The following CDC73 variants were observed in gnomAD, a reference collection of about 807,000 sequenced individuals.
The protein encoded by CDC73 is cell division cycle 73, also known as parafibromin.
CDC73 carries 21 observed loss-of-function variants against 83.7 expected under a neutral mutation model. The observed-to-expected ratio is 0.25, with a 90% confidence interval of 0.18 to 0.36. CDC73 has a LOEUF of 0.36. CDC73 is among the 10% of genes least tolerant of loss of function. The probability of loss-of-function intolerance (pLI) is 1.00; values close to 1 mark genes in which losing one functional copy is unlikely to be tolerated. For synonymous variants in CDC73, 224 were observed against 212.9 expected, an observed-to-expected ratio of 1.05 and a Z score of -0.45; for missense variants, 342 against 653.3, an observed-to-expected ratio of 0.52 and a Z score of 5.19.
At position 193,251,318 on chromosome 1, in the gene CDC73, AT is replaced by A. The variant is rs1678039843; in HGVS notation, c.*607del. On this transcript the variant is annotated 3_prime_UTR_variant, in exon 17 of 17. Coordinates refer to ENST00000367435, the MANE Select transcript of CDC73 (RefSeq NM_024529.5). ...TTTACAAATGATTACATTTAAATGA[AT>A]GTACATTCTTCTCACTGACTTTGGT... 4.3e-6 allele frequency: 1 copy of A among 231,924 alleles called. No homozygotes were observed. The highest frequency in any genetic ancestry group is 8.5e-6 in the Non-Finnish European group (1 of 116,968). The allele number at this position is 231,924 out of a possible 1,614,324, so 14.4% of individuals were successfully genotyped here. A position where few individuals can be genotyped will look rare whatever the true frequency, so the allele number is the denominator to read the frequency against.
chr1:193,124,767 C>T (rs1380705088), intron 1 of CDC73, among the ~76,000 whole-genome samples: 1 of 152,182 alleles, frequency 6.6e-6, no homozygotes, highest in African/African-American at 2.4e-5. Context: ...TGTGCTTCTT[C>T]TAAGCAGTGT....
At chr1:193,214,697 C>T (rs968663678) in intron 13 of CDC73, among the ~76,000 whole-genome samples, 4 of 152,064 alleles carry the variant, frequency 2.6e-5, no homozygotes, top group Admixed American at 1.3e-4. Flanking sequence ...CCAGCCTGGG[C>T]GACAGAGCGA....
intron 13 of CDC73, among the ~76,000 whole-genome samples, chr1:193,221,801 C>T (rs1677475512): frequency 6.6e-6 from 1 of 152,150 alleles, no homozygotes; most frequent in South Asian, 2.1e-4. Flanking sequence ...AAAACACTCC[C>T]TTCATTGTTT....
intron 10 of CDC73, among the ~76,000 whole-genome samples, chr1:193,202,891 G>GT (rs1558309452): frequency 6.6e-6 from 1 of 151,772 alleles, no homozygotes; most frequent in Non-Finnish European, 1.5e-5. Flanking sequence ...GTATTTAGCA[G>GT]TATTTCTTTG....
intron 10 of CDC73, among the ~76,000 whole-genome samples, chr1:193,161,643 T>C (rs1384928719): frequency 1.2e-5 from 1 of 83,226 alleles, no homozygotes; most frequent in African/African-American, 4.6e-5. Flanking sequence ...TAATATATTA[T>C]ATAATATATA....
chr1:193,225,615 C>T (rs1356854464), intron 13 of CDC73, among the ~76,000 whole-genome samples: 2 of 151,850 alleles, frequency 1.3e-5, no homozygotes, highest in Non-Finnish European at 2.9e-5. Flanking sequence ...AGAAGTAAGG[C>T]AGTATTGCAT....
intron 10 of CDC73, among the ~76,000 whole-genome samples, chr1:193,202,756 C>A (rs1479786649): frequency 1.3e-5 from 2 of 150,948 alleles, no homozygotes; most frequent in Admixed American, 1.3e-4. Context: ...AGTCTTTTTT[C>A]TCCTGTACTC....
In CDC73 at chr1:193,197,308, A is replaced by G. The variant is rs151171533; in HGVS notation, c.973-6487A>G. Among the ~76,000 whole-genome samples, 19 of 152,270 alleles carry G rather than the reference A, an allele frequency of 1.2e-4. 1 individual carries two copies. The East Asian group carries it at 3.7e-3, about 29-fold the overall frequency. ...AGAATGAATCCCATTAGGTCATGGTATATAATACTTTTAATTTGCTGCTGA... is the reference window on the plus strand; with the variant it reads ...AGAATGAATCCCATTAGGTCATGGTGTATAATACTTTTAATTTGCTGCTGA... On this transcript the variant is annotated intron_variant, in intron 10 of 16. Coordinates refer to ENST00000367435, the MANE Select transcript of CDC73 (RefSeq NM_024529.5).
chr1:193,190,965 G>A (rs1400675168), intron 10 of CDC73, among the ~76,000 whole-genome samples: 1 of 152,188 alleles, frequency 6.6e-6, no homozygotes, highest in Non-Finnish European at 1.5e-5. Flanking sequence ...CCAGTAGTGT[G>A]TGGGACAGTC....
Position 193,135,608 on chromosome 1 carries a change from A to G in CDC73, c.423+19A>G. ...AATTGAGGTAAAGAAACTGTATTTT[A>G]AACAATTTTATTTATATTGTTATTG... On this transcript the variant is annotated intron_variant, in intron 5 of 16. Transcript: ENST00000367435. 3 of 1,563,368 alleles carry G rather than the reference A, an allele frequency of 1.9e-6. No individual in the cohort carries two copies. In the South Asian group the frequency reaches 3.4e-5, roughly 18 times the overall value.
At chr1:193,235,505 G>A (rs553901254) in intron 14 of CDC73, among the ~76,000 whole-genome samples, 5 of 152,154 alleles carry the variant, frequency 3.3e-5, no homozygotes, top group Admixed American at 2.0e-4. Flanking sequence ...TGTTCCCACC[G>A]CTTTAGTTAT....
At chr1:193,209,123 ATAACT>A (rs1558311724) in intron 11 of CDC73, among the ~76,000 whole-genome samples, 5 of 152,236 alleles carry the variant, frequency 3.3e-5, no homozygotes, top group Admixed American at 2.6e-4. Flanking sequence ...CAATTTAATA[ATAACT>A]TAGCAGTGAT....
At chr1:193,249,678 C>A in intron 15 of CDC73, 52 bp from the exon 16 acceptor site, 1 of 1,442,288 alleles carries the variant, frequency 6.9e-7, no homozygotes, top group East Asian at 2.3e-5. Context: ...AAATTTTTTT[C>A]TTTTTTTTTA....
At chr1:193,180,905 A>T in intron 10 of CDC73, 8 of 1,613,848 alleles carry the variant, frequency 5.0e-6, no homozygotes, top group Non-Finnish European at 6.8e-6. Context: ...GTATCTAAGT[A>T]TTCCTGTTGA....
At chr1:193,142,635 C>T (rs1420572417) in intron 7 of CDC73, among the ~76,000 whole-genome samples, 2 of 151,926 alleles carry the variant, frequency 1.3e-5, no homozygotes, top group African/African-American at 4.8e-5. Flanking sequence ...CCCCCTCCTC[C>T]TTTCTCTCTT....
chr1:193,198,782 G>C (rs573478697), intron 10 of CDC73, among the ~76,000 whole-genome samples: 1 of 152,334 alleles, frequency 6.6e-6, no homozygotes, highest in South Asian at 2.1e-4. Flanking sequence ...ATAGGCTTTG[G>C]ATTCAAAAAG....
chr1:193,230,366 C>T (rs12064521), intron 13 of CDC73, among the ~76,000 whole-genome samples: 94,389 of 151,126 alleles, frequency 0.62, 29,907 homozygotes, highest in South Asian at 0.77. Flanking sequence ...CCAGACGTCT[C>T]GAACCCCTGA....
chr1:193,249,682 T>C (rs752293551), intron 15 of CDC73, 48 bp from the exon 16 acceptor site: 3 of 1,500,512 alleles, frequency 2.0e-6, no homozygotes, highest in African/African-American at 1.4e-5. Context: ...TTTTTTCTTT[T>C]TTTTTATTTT....
At chr1:193,174,632 T>C (rs1676572632) in intron 10 of CDC73, among the ~76,000 whole-genome samples, 1 of 152,182 alleles carries the variant, frequency 6.6e-6, no homozygotes, top group African/African-American at 2.4e-5. Context: ...ATACATTGCT[T>C]GGTGATTCTT....
Sources: allele counts gnomAD v4.1 joint callset (sites outside exome capture counted in the v4.1 genomes callset), GRCh38; gene constraint gnomAD v4.1.1; transcripts MANE v1.5; gene names NCBI Gene and HGNC (gene_info 2026-07-23, HGNC 2026-07-21).